Variants in TKT observed in about 807,000 individuals in gnomAD.
TKT encodes the protein transketolase, also known as epididymis luminal protein 107.
In TKT, 47 loss-of-function variants were observed where a neutral mutation model predicts 63.9. The ratio of observed to expected loss-of-function variants is 0.74; its 90% CI spans 0.58 to 0.94. The LOEUF is 0.94. Ranked by LOEUF, TKT falls within the 40% of genes least tolerant of loss-of-function variation. The pLI, the probability that TKT is intolerant of heterozygous loss-of-function variation, is 0.00. For missense variants in TKT, 721 were observed against 846.2 expected (o/e 0.85, Z 1.84); for synonymous variants, 338 against 334.1 (o/e 1.01, Z -0.13).
chr3:53,230,317 G>A (rs1189549592), intron 8 of TKT, 140 bp downstream of exon 8: 6 of 1,110,932 alleles, frequency 5.4e-6, no homozygotes, highest in East Asian at 4.9e-5. Flanking sequence ...AGGGGTTAAC[G>A]CTGGGTCCTG....
At chr3:53,242,296 C>T in intron 1 of TKT, 54 bp from the exon 2 acceptor site, 1 of 1,557,924 alleles carries the variant, frequency 6.4e-7, no homozygotes, top group African/African-American at 1.4e-5. Flanking sequence ...CACTCCTGAG[C>T]TATTGTGCTC....
In TKT at chr3:53,229,074, G is replaced by GT; in HGVS notation, c.1327_1328insA (p.Ser443TyrfsTer8). 1 of 1,614,156 alleles carries GT rather than the reference G, an allele frequency of 6.2e-7. No homozygotes were observed. The highest frequency in any genetic ancestry group is 8.5e-7 in the Non-Finnish European group (1 of 1,180,018). On this transcript the variant is annotated frameshift_variant, in exon 10 of 14. Coordinates refer to ENST00000462138, the MANE Select transcript of TKT (RefSeq NM_001064.4). LOFTEE classifies it high-confidence loss of function. ...GCCATCACTTGGGTAAAAGACAGTT[G>GT]ATGTGGGGACTGACCGAAACATAGC...
intron 1 of TKT, among the ~76,000 whole-genome samples, chr3:53,248,880 A>C (rs1178885031): frequency 2.6e-5 from 4 of 152,174 alleles, no homozygotes; most frequent in African/African-American, 9.7e-5. Context: ...TTTTGTAGTA[A>C]ATCTCTGCAA....
In TKT at chr3:53,226,731, G is replaced by C. The variant is rs782172979; in HGVS notation, c.1696+25C>G. On this transcript the variant is annotated intron_variant, in intron 13 of 13. Coordinates refer to ENST00000462138, the MANE Select transcript of TKT (RefSeq NM_001064.4). ...GCTCTCTGGCCCTGTCCCTTGCCCA[G>C]CCTGCCTGCCCCAGGCCTCCTTACC... The C allele has an allele frequency of 5.8e-5, 93 of 1,613,812 alleles. No homozygotes were observed. In the Admixed American group the frequency reaches 1.6e-3, roughly 27 times the overall value.
In TKT at chr3:53,230,662, G is replaced by T. The variant is rs782592637; in HGVS notation, c.943-41C>A. The T allele has an allele frequency of 6.2e-6, 10 of 1,611,088 alleles. No homozygotes were observed. The African/African-American group carries it at 1.2e-4, about 19-fold the overall frequency. On this transcript the variant is annotated intron_variant, in intron 7 of 13. Transcript: ENST00000462138. ...TGGGAAGGCTCTGGACCCCTCTGAG[G>T]GTGAGTGCACACCTGCAGCCTGGAG...
At chr3:53,240,730 G>A (rs779779984) in intron 3 of TKT, among the ~76,000 whole-genome samples, 11 of 152,206 alleles carry the variant, frequency 7.2e-5, no homozygotes, top group Admixed American at 2.6e-4. Flanking sequence ...AAGTCTTAAC[G>A]TTTGCAGGGA....
intron 4 of TKT, chr3:53,235,438 G>A (rs2106686238): frequency 5.5e-6 from 2 of 365,942 alleles, no homozygotes; most frequent in Non-Finnish European, 5.0e-6. Context: ...CAGAGGTCTA[G>A]GACAACAGGG....
chr3:53,244,370 C>T (rs571677412), intron 1 of TKT, among the ~76,000 whole-genome samples: 1 of 152,326 alleles, frequency 6.6e-6, no homozygotes, highest in Admixed American at 6.5e-5. Context: ...TTCGTCAACC[C>T]GGGGCTCAGC....
At chr3:53,252,750 A>G (rs1431106247) in intron 1 of TKT, among the ~76,000 whole-genome samples, 1 of 152,104 alleles carries the variant, frequency 6.6e-6, no homozygotes, top group Non-Finnish European at 1.5e-5. Context: ...TGCCTTTCAG[A>G]CTGACTAATA....
chr3:53,239,111 T>C (rs1705159872), intron 4 of TKT, among the ~76,000 whole-genome samples: 5 of 152,172 alleles, frequency 3.3e-5, no homozygotes, highest in Non-Finnish European at 1.5e-5. Context: ...GGAGTTTCCC[T>C]GCACAAACTC....
chr3:53,226,692 A>G, intron 13 of TKT, 64 bp downstream of exon 13: 1 of 1,610,316 alleles, frequency 6.2e-7, no homozygotes, highest in Non-Finnish European at 8.5e-7. Flanking sequence ...TAGAAGAGGC[A>G]CGTCCAACGC....
rs995756456 is a variant in TKT, at chr3:53,233,518, C to T, written c.630-244G>A. ...CCTCTGAACAGGTTTTCCTCCTCCT[C>T]TTAAGTAATCCAGAGCTCAGTTCCT... On this transcript the variant is annotated intron_variant, in intron 5 of 13. Coordinates refer to ENST00000462138, the MANE Select transcript of TKT (RefSeq NM_001064.4). 17 of 409,258 alleles carry T rather than the reference C, an allele frequency of 4.2e-5. No individual in the cohort carries two copies. In the East Asian group the frequency reaches 6.8e-4, roughly 16 times the overall value. The allele number at this position is 409,258 out of a possible 1,614,324, so 25.4% of individuals were successfully genotyped here.
chr3:53,250,926 C>T (rs1304496175), intron 1 of TKT, among the ~76,000 whole-genome samples: 2 of 152,098 alleles, frequency 1.3e-5, no homozygotes, highest in African/African-American at 2.4e-5. Context: ...GGACTACAGG[C>T]ACATGCACAG....
intron 1 of TKT, among the ~76,000 whole-genome samples, chr3:53,246,766 G>A (rs1350052381): frequency 5.3e-5 from 8 of 151,556 alleles, no homozygotes; most frequent in Non-Finnish European, 8.8e-5. Context: ...CAGGAGAATC[G>A]TTTGAACCCG....
At chr3:53,243,495 G>A (rs1559656109) in intron 1 of TKT, 2 of 447,736 alleles carry the variant, frequency 4.5e-6, no homozygotes, top group Non-Finnish European at 9.0e-6. Flanking sequence ...CACGCTCAGT[G>A]CAGACAAGTT....
intron 3 of TKT, 81 bp from the exon 4 acceptor site, chr3:53,240,429 C>T: frequency 7.4e-7 from 1 of 1,353,810 alleles, no homozygotes; most frequent in East Asian, 2.4e-5. Context: ...CACTCCCACC[C>T]AGCCCAGCAA....
At chr3:53,238,390 T>C (rs1178136313) in intron 4 of TKT, among the ~76,000 whole-genome samples, 1 of 152,218 alleles carries the variant, frequency 6.6e-6, no homozygotes, top group Non-Finnish European at 1.5e-5. Flanking sequence ...GCCCCAAGGC[T>C]CACCAAGGAA....
At chr3:53,228,489 A>G (rs1470077624) in intron 10 of TKT, 130 bp from the exon 11 acceptor site, 5 of 1,053,876 alleles carry the variant, frequency 4.7e-6, no homozygotes, top group Non-Finnish European at 7.0e-6. Context: ...TCCAGCAGGG[A>G]AAAGGGCCTT....
rs1575564636 is a variant in TKT at position 53,235,163 on chromosome 3, T to C, written c.449A>G (p.Tyr150Cys). Residue 150 changes from tyrosine to cysteine, a missense_variant, in exon 5 of 14, where the codon TAT becomes TGT. Transcript: ENST00000462138. ...CAGCTCCCCGTCTCCCAGCAAGCAATAGACTCGGTAGCTGTGGACAGAGAG... is the reference window on the plus strand; with the variant it reads ...CAGCTCCCCGTCTCCCAGCAAGCAACAGACTCGGTAGCTGTGGACAGAGAG... ...KYFDKASYRVYCLLGDGELSE... is the reference protein window; with the variant it reads ...KYFDKASYRVCCLLGDGELSE... 3 of 1,611,310 alleles carry C rather than the reference T, an allele frequency of 1.9e-6. No homozygotes were observed. Among genetic ancestry groups the C allele is most frequent in the Non-Finnish European group, 2.5e-6 (3 of 1,178,780 alleles).
Sources: allele counts gnomAD v4.1 joint callset (sites outside exome capture counted in the v4.1 genomes callset), GRCh38; gene constraint gnomAD v4.1.1; transcripts MANE v1.5; gene names NCBI Gene and HGNC (gene_info 2026-07-23, HGNC 2026-07-21).